Variants in GIPC2 observed in about 807,000 individuals in gnomAD.
GIPC2 encodes GIPC PDZ domain containing family member 2.
Under a neutral mutation model 30.6 loss-of-function variants are expected in GIPC2, and 30 were observed. The observed-to-expected ratio is 0.98, with a 90% CI of 0.73 to 1.33. GIPC2 has a LOEUF of 1.33. GIPC2 is among the 40% of genes most tolerant of loss of function. GIPC2 has a pLI of 0.00. For synonymous variants in GIPC2, 167 were observed against 150.0 expected (o/e 1.11, Z -0.83); for missense variants, 414 against 390.3 (o/e 1.06, Z -0.51).
At chr1:78,092,884 C>T (rs1314150882) in intron 2 of GIPC2, 1 of 152,252 alleles carries the variant, frequency 6.6e-6, no homozygotes, top group Non-Finnish European at 1.5e-5. Flanking sequence ...CTTCTGGTTG[C>T]TGAGGCATCT....
intron 1 of GIPC2, among the ~76,000 whole-genome samples, chr1:78,077,733 G>C (rs1005907946): frequency 6.6e-6 from 1 of 152,138 alleles, no homozygotes; most frequent in Non-Finnish European, 1.5e-5. Flanking sequence ...ATTTCTTAGA[G>C]GAGCATTGAT....
At chr1:78,074,382 T>C (rs571976105) in intron 1 of GIPC2, among the ~76,000 whole-genome samples, 4 of 152,186 alleles carry the variant, frequency 2.6e-5, no homozygotes, top group Admixed American at 6.5e-5. Flanking sequence ...ATGTGTCAGA[T>C]AATTATTTTT....
intron 1 of GIPC2, among the ~76,000 whole-genome samples, chr1:78,072,551 AT>A (rs954691489): frequency 6.0e-5 from 9 of 150,830 alleles, no homozygotes; most frequent in Non-Finnish European, 8.9e-5. Context: ...GTACATGACT[AT>A]TTTTTTTTCT....
intron 3 of GIPC2, among the ~76,000 whole-genome samples, chr1:78,100,292 A>G (rs529742042): frequency 6.6e-6 from 1 of 152,336 alleles, no homozygotes; most frequent in South Asian, 2.1e-4. Flanking sequence ...ATTGTTTTAA[A>G]TGAGCTATAA....
chr1:78,059,178 A>AT (rs1429573826), intron 1 of GIPC2, among the ~76,000 whole-genome samples: 6 of 152,150 alleles, frequency 3.9e-5, no homozygotes, highest in Non-Finnish European at 7.4e-5. Flanking sequence ...GAATGTTGTC[A>AT]TTTTAAAAAA....
chr1:78,050,273 A>C (rs1211956060), intron 1 of GIPC2, among the ~76,000 whole-genome samples: 6 of 152,056 alleles, frequency 3.9e-5, no homozygotes, highest in Non-Finnish European at 4.4e-5. Flanking sequence ...ACCTGGAAAA[A>C]CGTCTTTTGT....
Position 78,136,628 on chromosome 1 carries a change from T to TTTTTG in GIPC2, c.*886_*887insTTTGT. 1 of 145,606 alleles carries TTTTTG rather than the reference T, an allele frequency of 6.9e-6. No individual in the cohort carries two copies. Among genetic ancestry groups the TTTTTG allele is most frequent in the South Asian group, 2.2e-4 (1 of 4,576 alleles). 9.0% of individuals were successfully genotyped at this position (145,606 alleles called of 1,614,324 possible). ...TAGAACTTTTTTTTTTTTTTTTTTTTTGGTTAAACAGCAGCACTTTTTAGT... is the reference window on the plus strand; with the variant it reads ...TAGAACTTTTTTTTTTTTTTTTTTTTTTTTGTGGTTAAACAGCAGCACTTTTTAGT... On this transcript the variant is annotated 3_prime_UTR_variant, in exon 6 of 6. Transcript: ENST00000370759.
At chr1:78,079,506 G>C (rs1014829800) in intron 1 of GIPC2, among the ~76,000 whole-genome samples, 1 of 152,174 alleles carries the variant, frequency 6.6e-6, no homozygotes, top group African/African-American at 2.4e-5. Flanking sequence ...ATTAGGACTG[G>C]TGTGAAACTC....
At chr1:78,071,233 A>G (rs1017047891) in intron 1 of GIPC2, among the ~76,000 whole-genome samples, 13 of 152,328 alleles carry the variant, frequency 8.5e-5, no homozygotes, top group Admixed American at 5.9e-4. Flanking sequence ...TAATACAAAG[A>G]AACAAATGTA....
chr1:78,092,088 C>T (rs1571502027), intron 2 of GIPC2: 1 of 1,351,958 alleles, frequency 7.4e-7, no homozygotes, highest in Non-Finnish European at 1.1e-6. Context: ...GGCTTTGTGT[C>T]TGTGGGTGGC....
intron 2 of GIPC2, 22 bp from the exon 3 acceptor site, chr1:78,094,929 TG>T: frequency 1.4e-6 from 2 of 1,476,754 alleles, no homozygotes; most frequent in Non-Finnish European, 1.9e-6. Context: ...TTTTATATTA[TG>T]TTATCATCAA....
At chr1:78,121,449 T>C (rs1662681851) in intron 4 of GIPC2, among the ~76,000 whole-genome samples, 1 of 152,126 alleles carries the variant, frequency 6.6e-6, no homozygotes, top group Non-Finnish European at 1.5e-5. Context: ...GAGTGGGATC[T>C]CAGAACTTGT....
intron 1 of GIPC2, among the ~76,000 whole-genome samples, chr1:78,072,456 C>T (rs1268802222): frequency 2.8e-5 from 4 of 142,688 alleles, no homozygotes. Flanking sequence ...GCATAAGACA[C>T]TCAGCTTTTT....
intron 3 of GIPC2, among the ~76,000 whole-genome samples, chr1:78,100,333 C>T (rs1445722138): frequency 1.3e-5 from 2 of 152,106 alleles, no homozygotes; most frequent in African/African-American, 4.8e-5. Context: ...AATAGGTAAG[C>T]CCTGTAAGTC....
intron 5 of GIPC2, among the ~76,000 whole-genome samples, chr1:78,126,824 A>G (rs1221533143): frequency 1.3e-5 from 2 of 152,174 alleles, no homozygotes. Context: ...CAAATCATTC[A>G]AACAAAATGC....
chr1:78,129,774 C>T (rs1370305233), intron 5 of GIPC2, among the ~76,000 whole-genome samples: 1 of 152,116 alleles, frequency 6.6e-6, no homozygotes, highest in Non-Finnish European at 1.5e-5. Flanking sequence ...TTGTGTCATA[C>T]AAGTTTCTTC....
At chr1:78,091,542 T>G (rs1662038822) in intron 2 of GIPC2, 2 of 753,430 alleles carry the variant, frequency 2.7e-6, no homozygotes, top group Admixed American at 3.5e-5. Flanking sequence ...GAGGAGGACC[T>G]GCTCCTGCAG....
intron 3 of GIPC2, among the ~76,000 whole-genome samples, chr1:78,114,054 C>G (rs916396019): frequency 6.6e-6 from 1 of 152,168 alleles, no homozygotes; most frequent in African/African-American, 2.4e-5. Context: ...AACCTGATTG[C>G]TTCTAGGCTA....
intron 1 of GIPC2, 105 bp downstream of exon 1, chr1:78,046,439 GA>G (rs909103498): frequency 1.9e-6 from 2 of 1,047,848 alleles, no homozygotes; most frequent in Non-Finnish European, 1.4e-6. Context: ...CCCGGAGCGC[GA>G]AATCCGATGC....
Sources: allele counts gnomAD v4.1 joint callset (sites outside exome capture counted in the v4.1 genomes callset), GRCh38; gene constraint gnomAD v4.1.1; transcripts MANE v1.5; gene names NCBI Gene and HGNC (gene_info 2026-07-23, HGNC 2026-07-21).